Variants in VAV2 observed in about 807,000 individuals in gnomAD.
VAV2 encodes the protein vav guanine nucleotide exchange factor 2, also known as guanine nucleotide exchange factor VAV2.
VAV2 carries 67 observed loss-of-function variants against 132.5 expected under a neutral mutation model. The ratio of observed to expected loss-of-function variants is 0.51; its 90% CI spans 0.42 to 0.62. VAV2 has a LOEUF of 0.62. Among genes scored for constraint, VAV2 ranks in the 20% least tolerant of loss-of-function variants. The pLI is 0.00. For missense variants in VAV2, 938 were observed against 1,153.6 expected, an observed-to-expected ratio of 0.81 and a Z score of 2.71; for synonymous variants, 492 against 443.5, an observed-to-expected ratio of 1.11 and a Z score of -1.37.
chr9:133,809,256 G>A lies in VAV2; in HGVS notation c.568-118C>T, dbSNP rs111619667. ...AAGAGGACTCCTTGGGTTTGGCCACGAGGTCACTGAGTGTGCAGTGCTGCA... is the reference window on the plus strand; with the variant it reads ...AAGAGGACTCCTTGGGTTTGGCCACAAGGTCACTGAGTGTGCAGTGCTGCA... On this transcript the variant is annotated intron_variant, in intron 6 of 29. Transcript: ENST00000371850. The A allele has an allele frequency of 1.0e-3, 795 of 795,954 alleles. 6 individuals are homozygous for A. The African/African-American group carries it at 0.012, about 12-fold the overall frequency. 49.3% of individuals were successfully genotyped at this position (795,954 alleles called of 1,614,324 possible).
At chr9:133,970,045 C>T (rs947230333) in intron 1 of VAV2, among the ~76,000 whole-genome samples, 4 of 152,168 alleles carry the variant, frequency 2.6e-5, no homozygotes, top group Non-Finnish European at 5.9e-5. Context: ...CTGGCCTCAG[C>T]ACCCGCTGCT....
chr9:133,968,681 G>A (rs535119055), intron 1 of VAV2, among the ~76,000 whole-genome samples: 6 of 152,300 alleles, frequency 3.9e-5, no homozygotes, highest in South Asian at 2.1e-4. Flanking sequence ...GAGCCTTGTA[G>A]CCGGGAGAGA....
chr9:133,988,661 C>T (rs1842927427), intron 1 of VAV2, among the ~76,000 whole-genome samples: 1 of 152,236 alleles, frequency 6.6e-6, no homozygotes, highest in Non-Finnish European at 1.5e-5. Flanking sequence ...CGGGGGCTCA[C>T]GTCTGTAATC....
At position 133,859,310 on chromosome 9, in the gene VAV2, G is replaced by A. The variant is rs546242013; in HGVS notation, c.380+2064C>T. ...AGATGGGGCACCTCAGCCTCAGGAG[G>A]GCAGCGGCATCGAGAGCCTGACACG... On this transcript the variant is annotated intron_variant, in intron 3 of 29. Coordinates refer to ENST00000371850, the MANE Select transcript of VAV2 (RefSeq NM_001134398.2). Among the ~76,000 whole-genome samples the A allele has an allele frequency of 7.0e-4, 106 of 152,346 alleles. 2 individuals carry two copies. Among genetic ancestry groups the A allele is most frequent in the African/African-American group, 2.4e-3 (99 of 41,568 alleles).
At chr9:133,860,917 A>C (rs17663678) in intron 3 of VAV2, among the ~76,000 whole-genome samples, 25,712 of 152,000 alleles carry the variant, frequency 0.17, 2,254 homozygotes, top group Non-Finnish European at 0.19. Flanking sequence ...ATAAACGGAG[A>C]GTGGAGAAAT....
rs148320930 is a variant in VAV2 at position 133,965,494 on chromosome 9, C to CAA, written c.205-26277_205-26276dup. 6.8e-3 allele frequency among the ~76,000 whole-genome samples: 834 copies of CAA among 122,704 alleles called. 5 individuals are homozygous for CAA. The highest frequency in any genetic ancestry group is 0.015 in the African/African-American group (466 of 31,464). The allele number at this position is 122,704 out of a possible 152,430, so 80.5% of individuals were successfully genotyped here. ...AGCCTGGATGACAGAGCGAGACTGT[C>CAA]AAAAAAAAAAAAAAAAGTCAAGAAA... On this transcript the variant is annotated intron_variant, in intron 1 of 29. Transcript: ENST00000371850.
chr9:133,806,309 G>C, intron 8 of VAV2, 128 bp from the exon 9 acceptor site: 1 of 766,090 alleles, frequency 1.3e-6, no homozygotes, highest in Non-Finnish European at 2.1e-6. Context: ...TGCTGGGCCT[G>C]CACCCCACAT....
chr9:133,805,035 C>T (rs1386765145), intron 9 of VAV2, among the ~76,000 whole-genome samples: 1 of 152,138 alleles, frequency 6.6e-6, no homozygotes, highest in Non-Finnish European at 1.5e-5. Context: ...GAAGCACCTG[C>T]AGGGCTTCCC....
At position 133,863,750 on chromosome 9, in the gene VAV2, G is replaced by A. The variant is rs1178393961; in HGVS notation, c.322-2318C>T. ...ATTTCAGGCTTCCTAGCTGGCACTG[G>A]GGATGGGGGGAAGCTCAGAAGTCCA... On this transcript the variant is annotated intron_variant, in intron 2 of 29. Coordinates refer to ENST00000371850, the MANE Select transcript of VAV2 (RefSeq NM_001134398.2). This position sits in a 1 kb window ranked among gnomAD's most constrained non-coding sequence, Gnocchi z 5.0. 2.0e-5 allele frequency among the ~76,000 whole-genome samples: 3 copies of A among 152,164 alleles called. No individual in the cohort carries two copies. The highest frequency in any genetic ancestry group is 4.4e-5 in the Non-Finnish European group (3 of 68,010).
At chr9:133,975,209 C>A (rs557601969) in intron 1 of VAV2, among the ~76,000 whole-genome samples, 3 of 152,106 alleles carry the variant, frequency 2.0e-5, no homozygotes, top group South Asian at 4.2e-4. Flanking sequence ...TGCCCCGGCA[C>A]CCCCGCCATG....
Position 133,857,808 on chromosome 9 carries a change from C to T in VAV2, c.380+3566G>A, listed in dbSNP as rs1411050058. ...GCGTGTGAACCAGTGGAGGTCTGCGCTCAACCCCAAGGGCTGCAGAGGGAA... is the reference window on the plus strand; with the variant it reads ...GCGTGTGAACCAGTGGAGGTCTGCGTTCAACCCCAAGGGCTGCAGAGGGAA... On this transcript the variant is annotated intron_variant, in intron 3 of 29. Transcript: ENST00000371850. The surrounding 1 kb of genome is among the most constrained non-coding windows in gnomAD (Gnocchi z 4.0). 6.6e-6 allele frequency among the ~76,000 whole-genome samples: 1 copy of T among 152,150 alleles called. No individual in the cohort carries two copies. The highest frequency in any genetic ancestry group is 1.5e-5 in the Non-Finnish European group (1 of 68,016).
Position 133,861,165 on chromosome 9 carries a change from G to A in VAV2, c.380+209C>T, listed in dbSNP as rs1373593013. 4 of 497,280 alleles carry A rather than the reference G, an allele frequency of 8.0e-6. No homozygotes were observed. In the East Asian group the frequency reaches 1.3e-4, roughly 16 times the overall value. 30.8% of individuals were successfully genotyped at this position (497,280 alleles called of 1,614,324 possible). ...TTTTGCAGCCGTCAGTAACATGCTT[G>A]CAAGATTTCCCCGGTGTGAGCTGAA... On this transcript the variant is annotated intron_variant, in intron 3 of 29. Transcript: ENST00000371850.
chr9:133,957,277 T>C (rs917875662), intron 1 of VAV2, among the ~76,000 whole-genome samples: 6 of 151,762 alleles, frequency 4.0e-5, no homozygotes, highest in Non-Finnish European at 5.9e-5. Context: ...ACGGGTTTGT[T>C]TTTTTCTCCC....
rs1564507886 is a variant in VAV2, at chr9:133,964,072, T to TATATAC, written c.205-24854_205-24853insGTATAT. On this transcript the variant is annotated intron_variant, in intron 1 of 29. Transcript: ENST00000371850. Reference sequence around the variant, plus strand: ...ATACATATATATACATATATATAAATGAATAGGCCAGGTATGTTGGCTCAT... The same window carrying TATATAC: ...ATACATATATATACATATATATAAATATATACGAATAGGCCAGGTATGTTGGCTCAT... 3.0e-5 allele frequency among the ~76,000 whole-genome samples: 4 copies of TATATAC among 132,934 alleles called. 1 individual carries two copies. Among genetic ancestry groups the TATATAC allele is most frequent in the African/African-American group, 1.1e-4 (4 of 36,914 alleles). 87.2% of individuals were successfully genotyped at this position (132,934 alleles called of 152,430 possible).
chr9:133,810,125 C>T (rs1835303669), intron 6 of VAV2, 66 bp downstream of exon 6: 2 of 1,608,470 alleles, frequency 1.2e-6, no homozygotes, highest in African/African-American at 2.7e-5. Flanking sequence ...GGTCTGAGAC[C>T]TCCCTGAAAG....
intron 2 of VAV2, among the ~76,000 whole-genome samples, chr9:133,861,937 A>C (rs1837611872): frequency 6.6e-6 from 1 of 152,254 alleles, no homozygotes; most frequent in South Asian, 2.1e-4. Context: ...CAAATATCCC[A>C]GGGTGCTGCT....
intron 1 of VAV2, among the ~76,000 whole-genome samples, chr9:133,990,404 C>T (rs914370222): frequency 6.6e-6 from 1 of 152,164 alleles, no homozygotes; most frequent in African/African-American, 2.4e-5. Context: ...AGCCAAGCCA[C>T]CTGCCACAGC....
rs1840184950 is a variant in VAV2, at chr9:133,918,569, C to A, written c.321+20534G>T. On this transcript the variant is annotated intron_variant, in intron 2 of 29. Transcript: ENST00000371850. This position sits in a 1 kb window ranked among gnomAD's most constrained non-coding sequence, Gnocchi z 4.7. ...CAGCTCATTCGTTCCTGCCTCACAA[C>A]TCCACGTGGCTGATACTGTTATGTC... Among the ~76,000 whole-genome samples the A allele has an allele frequency of 6.6e-6, 1 of 151,990 alleles. No homozygotes were observed. Among genetic ancestry groups the A allele is most frequent in the Non-Finnish European group, 1.5e-5 (1 of 68,032 alleles).
chr9:133,862,697 C>T (rs1837646729), intron 2 of VAV2, among the ~76,000 whole-genome samples: 2 of 152,226 alleles, frequency 1.3e-5, no homozygotes, highest in Admixed American at 6.5e-5. Flanking sequence ...CCAGAGGGCG[C>T]TCTGTGTGCC....
Sources: gnomAD v4.1 joint callset for allele counts (sites outside exome capture counted in the v4.1 genomes callset) on GRCh38, gnomAD v4.1.1 for gene constraint, Gnocchi (gnomAD v3.1) non-coding constraint, MANE v1.5 for transcripts, NCBI Gene and HGNC (gene_info 2026-07-23, HGNC 2026-07-21) for gene names.